SBF2: variants seen among roughly 807,000 people sequenced by gnomAD.
The protein encoded by SBF2 is SET binding factor 2.
SBF2 carries 112 observed loss-of-function variants against 225.2 expected under a neutral mutation model. The observed-to-expected ratio is 0.50, with a 90% CI of 0.43 to 0.58. The LOEUF is 0.58. Among genes scored for constraint, SBF2 ranks in the 20% least tolerant of loss-of-function variants. The pLI is 0.00. For synonymous variants in SBF2, 763 were observed against 773.3 expected, an observed-to-expected ratio of 0.99 and a Z score of 0.22; for missense variants, 1,996 against 2,206.2, an observed-to-expected ratio of 0.90 and a Z score of 1.91.
At chr11:9,926,310 T>G (rs1431113019) in intron 16 of SBF2, among the ~76,000 whole-genome samples, 1 of 152,042 alleles carries the variant, frequency 6.6e-6, no homozygotes, top group East Asian at 1.9e-4. Context: ...AGTTTAGCCT[T>G]AAGAATAAAA....
chr11:9,856,431 AG>A, intron 19 of SBF2, 26 bp downstream of exon 19: 3 of 1,612,848 alleles, frequency 1.9e-6, no homozygotes, highest in Non-Finnish European at 2.5e-6. Context: ...GAGTAGGAGG[AG>A]GGTCTGTGTG....
At chr11:10,161,490 C>T (rs1955732969) in intron 2 of SBF2, among the ~76,000 whole-genome samples, 1 of 152,232 alleles carries the variant, frequency 6.6e-6, no homozygotes, top group African/African-American at 2.4e-5. Flanking sequence ...GTTAAGAACT[C>T]TCCATATTGG....
intron 25 of SBF2, among the ~76,000 whole-genome samples, chr11:9,842,071 G>A (rs1387633515): frequency 6.6e-6 from 1 of 152,088 alleles, no homozygotes; most frequent in African/African-American, 2.4e-5. Context: ...GGTTAAGAAT[G>A]GGAAACAGTC....
chr11:10,129,752 G>A (rs1230946023), intron 2 of SBF2, among the ~76,000 whole-genome samples: 1 of 151,978 alleles, frequency 6.6e-6, no homozygotes. Flanking sequence ...GGCAGTAATC[G>A]TAGCAGTTTG....
chr11:10,223,754 T>G (rs1031784323), intron 1 of SBF2, among the ~76,000 whole-genome samples: 9 of 152,060 alleles, frequency 5.9e-5, no homozygotes, highest in African/African-American at 2.2e-4. Flanking sequence ...TGAAAAATAA[T>G]CAAGAGTGAG....
intron 17 of SBF2, among the ~76,000 whole-genome samples, chr11:9,880,623 A>G (rs879874703): frequency 6.6e-6 from 1 of 152,050 alleles, no homozygotes; most frequent in African/African-American, 2.4e-5. Flanking sequence ...TCATCTTCCT[A>G]TCTTCTACAC....
chr11:10,184,747 G>A (rs1373450238), intron 2 of SBF2, among the ~76,000 whole-genome samples: 1 of 152,126 alleles, frequency 6.6e-6, no homozygotes, highest in East Asian at 1.9e-4. Flanking sequence ...TGTTGCTTGA[G>A]ACGGAGTCTC....
At chr11:10,082,325 C>T (rs1951399048) in intron 2 of SBF2, among the ~76,000 whole-genome samples, 1 of 152,140 alleles carries the variant, frequency 6.6e-6, no homozygotes, top group Non-Finnish European at 1.5e-5. Flanking sequence ...ACCAGTCCTA[C>T]TAAAACTGTT....
chr11:10,142,707 A>T (rs1330133788), intron 2 of SBF2, among the ~76,000 whole-genome samples: 1 of 152,224 alleles, frequency 6.6e-6, no homozygotes, highest in East Asian at 1.9e-4. Context: ...ATGACTTCTG[A>T]TATGTGAATA....
chr11:9,851,576 T>G (rs1856957699), intron 21 of SBF2, among the ~76,000 whole-genome samples: 1 of 152,192 alleles, frequency 6.6e-6, no homozygotes, highest in South Asian at 2.1e-4. Flanking sequence ...AAATCTCTCC[T>G]GAAGGTCTAA....
rs760262179 is a variant in SBF2, at chr11:9,992,963, C to G, written c.1167+27G>C. On this transcript the variant is annotated intron_variant, in intron 11 of 39. Transcript: ENST00000256190. Reference sequence around the variant, plus strand: ...ATTAAATTAGAATATATTTTTTGGACAGATACAATATAGTACTCTATCTTA... The same window carrying G: ...ATTAAATTAGAATATATTTTTTGGAGAGATACAATATAGTACTCTATCTTA... 1.6e-5 allele frequency: 23 copies of G among 1,457,596 alleles called. No individual in the cohort carries two copies. The South Asian group carries it at 2.6e-4, about 17-fold the overall frequency. 90.3% of individuals were successfully genotyped at this position (1,457,596 alleles called of 1,614,324 possible). A position where few individuals can be genotyped will look rare whatever the true frequency, so the allele number is the denominator to read the frequency against.
chr11:9,993,462 G>T (rs1947530370), intron 10 of SBF2, among the ~76,000 whole-genome samples: 1 of 152,124 alleles, frequency 6.6e-6, no homozygotes, highest in Admixed American at 6.5e-5. Context: ...AATAAAAAAG[G>T]GGCCTCTGTT....
intron 16 of SBF2, among the ~76,000 whole-genome samples, chr11:9,947,454 C>T (rs1190236993): frequency 6.6e-6 from 1 of 152,194 alleles, no homozygotes; most frequent in East Asian, 1.9e-4. Flanking sequence ...GAGTTCACAA[C>T]CTCACAGGTC....
intron 2 of SBF2, among the ~76,000 whole-genome samples, chr11:10,155,208 A>G (rs1030521358): frequency 8.5e-5 from 13 of 152,238 alleles, no homozygotes; most frequent in Non-Finnish European, 1.5e-4. Context: ...ACTATCACTC[A>G]GAAGAGAATT....
chr11:9,926,951 C>T (rs1239301049), intron 16 of SBF2, among the ~76,000 whole-genome samples: 2 of 151,666 alleles, frequency 1.3e-5, no homozygotes, highest in Non-Finnish European at 1.5e-5. Flanking sequence ...CAATGAAACC[C>T]GAAACTGGTT....
At chr11:9,983,198 C>T (rs1052272768) in intron 13 of SBF2, among the ~76,000 whole-genome samples, 2 of 152,172 alleles carry the variant, frequency 1.3e-5, no homozygotes, top group African/African-American at 2.4e-5. Flanking sequence ...TCTGGCAGCC[C>T]GTCTTGCCCT....
chr11:10,101,576 G>A (rs1431227550), intron 2 of SBF2, among the ~76,000 whole-genome samples: 1 of 151,968 alleles, frequency 6.6e-6, no homozygotes, highest in Non-Finnish European at 1.5e-5. Flanking sequence ...CAGTGAAATG[G>A]AACCCGGAAA....
chr11:10,060,822 A>G (rs1950414778), intron 2 of SBF2, among the ~76,000 whole-genome samples: 4 of 152,124 alleles, frequency 2.6e-5, no homozygotes, highest in Non-Finnish European at 1.5e-5. Context: ...AGGTTAGGCG[A>G]TCGAGACCAT....
At chr11:9,837,800 T>A (rs1590189875) in intron 26 of SBF2, among the ~76,000 whole-genome samples, 1 of 152,122 alleles carries the variant, frequency 6.6e-6, no homozygotes, top group African/African-American at 2.4e-5. Context: ...TGCAGTAGCT[T>A]GACCTCGGCT....
Sources: gnomAD v4.1 joint callset for allele counts (sites outside exome capture counted in the v4.1 genomes callset) on GRCh38, gnomAD v4.1.1 for gene constraint, MANE v1.5 for transcripts, NCBI Gene and HGNC (gene_info 2026-07-23, HGNC 2026-07-21) for gene names.